MAML3: variants seen among roughly 807,000 people sequenced by gnomAD.
MAML3 encodes the protein mastermind-like protein 3.
Under a neutral mutation model 101.9 loss-of-function variants are expected in MAML3, and 27 were observed. The observed-to-expected ratio is 0.27, with a 90% confidence interval of 0.20 to 0.37. MAML3 has a LOEUF of 0.37. Ranked by LOEUF, MAML3 falls within the 10% of genes least tolerant of loss-of-function variation. MAML3 has a pLI of 1.00. For synonymous variants in MAML3, 501 were observed against 555.9 expected (o/e 0.90, Z 1.39); for missense variants, 1,316 against 1,444.9 (o/e 0.91, Z 1.45).
chr4:139,827,559 G>T (rs772375729), intron 2 of MAML3, among the ~76,000 whole-genome samples: 1 of 152,100 alleles, frequency 6.6e-6, no homozygotes, highest in Non-Finnish European at 1.5e-5. Context: ...AAATAATTTG[G>T]TCAAGAAGAA....
At chr4:139,829,399 T>C (rs1429171970) in intron 2 of MAML3, among the ~76,000 whole-genome samples, 2 of 152,124 alleles carry the variant, frequency 1.3e-5, no homozygotes, top group African/African-American at 4.8e-5. Context: ...GAGAAATAAC[T>C]GGTGTGAAGC....
intron 1 of MAML3, among the ~76,000 whole-genome samples, chr4:140,098,059 A>G (rs1004482320): frequency 1.3e-5 from 2 of 152,264 alleles, no homozygotes; most frequent in African/African-American, 4.8e-5. Context: ...CATTTATTCA[A>G]CATTTACTGA....
intron 1 of MAML3, among the ~76,000 whole-genome samples, chr4:139,949,182 A>AT (rs1560846174): frequency 1.3e-5 from 2 of 151,868 alleles, no homozygotes; most frequent in Admixed American, 6.6e-5. Context: ...CACCCAGCTA[A>AT]TTTTTTTGTA....
At chr4:140,145,129 C>T (rs1283312359) in intron 1 of MAML3, among the ~76,000 whole-genome samples, 1 of 152,212 alleles carries the variant, frequency 6.6e-6, no homozygotes, top group Non-Finnish European at 1.5e-5. Context: ...AGCCCCTGTC[C>T]AGACGTGCTC....
chr4:139,810,035 T>C (rs1730768834), intron 2 of MAML3, among the ~76,000 whole-genome samples: 1 of 151,714 alleles, frequency 6.6e-6, no homozygotes, highest in African/African-American at 2.4e-5. Flanking sequence ...GGAAGAGAAA[T>C]AAAGAAAGAC....
chr4:139,927,478 A>C (rs1212852299), intron 1 of MAML3, among the ~76,000 whole-genome samples: 1 of 152,180 alleles, frequency 6.6e-6, no homozygotes, highest in East Asian at 1.9e-4. Flanking sequence ...TTTCTCCTCA[A>C]ATCGTTGCCC....
At position 140,020,631 on chromosome 4, in the gene MAML3, A is replaced by G. The variant is rs527316604; in HGVS notation, c.469-129664T>C. 2.0e-5 allele frequency among the ~76,000 whole-genome samples: 3 copies of G among 152,302 alleles called. No homozygotes were observed. In the East Asian group the frequency reaches 5.8e-4, roughly 29 times the overall value. On this transcript the variant is annotated intron_variant, in intron 1 of 4. Transcript: ENST00000509479. ...GTTTGGTTTCTTGTGTGGAACAGCT[A>G]TGTCAGAGTGGGTGGGATCCTGTTT...
chr4:139,978,145 T>A (rs532768176), intron 1 of MAML3, among the ~76,000 whole-genome samples: 41 of 152,088 alleles, frequency 2.7e-4, no homozygotes, highest in African/African-American at 8.9e-4. Context: ...CTGTGCTCCT[T>A]CTCCTTGACT....
chr4:139,719,680 G>T lies in MAML3; in HGVS notation c.3060C>A (p.Thr1020=), dbSNP rs780078440. ...GCCGACCCATGGCAGCTGGGTTGAG[G>T]GTCCTCACTGTGCCCGTGTTAGCAT... ...VVDANTGTVR[T]LNPAAMGRQM... is the part of the protein sequence containing the mutation. The change falls in exon 5 of 5, where the codon ACC becomes ACA. Residue 1020 remains threonine, a synonymous_variant. Coordinates refer to ENST00000509479, the MANE Select transcript of MAML3 (RefSeq NM_018717.5). The T allele has an allele frequency of 6.2e-7, 1 of 1,613,444 alleles. No individual in the cohort carries two copies. The highest frequency in any genetic ancestry group is 8.5e-7 in the Non-Finnish European group (1 of 1,179,716).
chr4:139,749,534 G>A (rs774739598), intron 2 of MAML3, among the ~76,000 whole-genome samples: 34 of 152,158 alleles, frequency 2.2e-4, no homozygotes, highest in Non-Finnish European at 4.7e-4. Flanking sequence ...TGGCTTATGA[G>A]CTCTGGTAAC....
Position 140,153,110 on chromosome 4 carries a change from A to G in MAML3, c.218T>C (p.Val73Ala), listed in dbSNP as rs2111072237. 1.3e-6 allele frequency: 2 copies of G among 1,551,540 alleles called. No individual in the cohort carries two copies. Among genetic ancestry groups the G allele is most frequent in the Non-Finnish European group, 8.7e-7 (1 of 1,147,176 alleles). Reference protein sequence around the residue: ...GSAAVPKHSTVVERLRQRIEG... With the variant: ...GSAAVPKHSTAVERLRQRIEG... ...GATGCGCTGGCGGAGCCGCTCCACC[A>G]CGGTGCTGTGCTTGGGAACGGCCGC... The change falls in exon 1 of 5, where the codon GTG (valine) becomes GCG (alanine). Residue 73 changes from valine to alanine, a missense_variant. Coordinates refer to ENST00000509479, the MANE Select transcript of MAML3 (RefSeq NM_018717.5).
chr4:139,923,280 T>C (rs946761712), intron 1 of MAML3, among the ~76,000 whole-genome samples: 2 of 152,134 alleles, frequency 1.3e-5, no homozygotes, highest in Admixed American at 6.5e-5. Context: ...CACCCTGCAG[T>C]AGGGCACCAC....
intron 1 of MAML3, among the ~76,000 whole-genome samples, chr4:140,151,952 G>C (rs923854951): frequency 6.6e-6 from 1 of 152,158 alleles, no homozygotes; most frequent in African/African-American, 2.4e-5. Context: ...CAAAGTTGGC[G>C]GGCAGCGGGG....
At chr4:139,839,020 G>C (rs1437093201) in intron 2 of MAML3, among the ~76,000 whole-genome samples, 2 of 152,224 alleles carry the variant, frequency 1.3e-5, no homozygotes, top group Non-Finnish European at 2.9e-5. Flanking sequence ...GGTGGGCTAA[G>C]TGCCAAGCCT....
At position 139,889,902 on chromosome 4, in the gene MAML3, A is replaced by T. The variant is rs1440164645; in HGVS notation, c.1534T>A (p.Ser512Thr). The T allele has an allele frequency of 1.2e-6, 2 of 1,608,568 alleles. No homozygotes were observed. Among genetic ancestry groups the T allele is most frequent in the Non-Finnish European group, 1.7e-6 (2 of 1,178,630 alleles). The part of the protein sequence containing the change: ...QQQQQQQQQH[S>T]NQTSNWSPLG... ...GGAGACCAATTTGAAGTCTGATTTGAGTGCTGTTGCTGCTGCTGCTGCTGC... is the reference window on the plus strand; with the variant it reads ...GGAGACCAATTTGAAGTCTGATTTGTGTGCTGTTGCTGCTGCTGCTGCTGC... The change falls in exon 2 of 5, where the codon TCA becomes ACA. Residue 512 changes from serine (S) to threonine (T), a missense_variant. By Grantham distance (58) the Ser-to-Thr change is moderately conservative (BLOSUM62 1). Transcript: ENST00000509479.
intron 4 of MAML3, among the ~76,000 whole-genome samples, chr4:139,722,216 C>T (rs1397116622): frequency 6.6e-6 from 1 of 152,150 alleles, no homozygotes; most frequent in East Asian, 1.9e-4. Context: ...TAATCCAAGC[C>T]AACCTTTATT....
At chr4:139,733,504 C>CT (rs1042103917) in intron 2 of MAML3, among the ~76,000 whole-genome samples, 11 of 149,202 alleles carry the variant, frequency 7.4e-5, no homozygotes, top group African/African-American at 2.2e-4. Context: ...CATCAAACCA[C>CT]TTTTTGCCCG....
chr4:139,932,679 A>T (rs1378965733), intron 1 of MAML3, among the ~76,000 whole-genome samples: 1 of 152,226 alleles, frequency 6.6e-6, no homozygotes, highest in African/African-American at 2.4e-5. Flanking sequence ...TCAAATAAGT[A>T]TAATTAATTA....
At chr4:140,030,792 C>A (rs1429237579) in intron 1 of MAML3, among the ~76,000 whole-genome samples, 1 of 152,212 alleles carries the variant, frequency 6.6e-6, no homozygotes, top group Admixed American at 6.5e-5. Context: ...ACTGGGCAAG[C>A]CTCATAACAG....
Sources: gnomAD v4.1 joint callset for allele counts (sites outside exome capture counted in the v4.1 genomes callset) on GRCh38, gnomAD v4.1.1 for gene constraint, MANE v1.5 for transcripts, NCBI Gene and HGNC (gene_info 2026-07-23, HGNC 2026-07-21) for gene names.